NTN1: variants seen among roughly 807,000 people sequenced by gnomAD.
The protein encoded by NTN1 is netrin-1.
In NTN1, 11 loss-of-function variants were observed where a neutral mutation model predicts 54.2. The ratio of observed to expected loss-of-function variants is 0.20; its 90% CI spans 0.13 to 0.34. The LOEUF is 0.34. Ranked by LOEUF, NTN1 falls within the 10% of genes least tolerant of loss-of-function variation. The pLI, the probability that NTN1 is intolerant of heterozygous loss-of-function variation, is 1.00. For missense variants in NTN1, 740 were observed against 893.1 expected (o/e 0.83, Z 2.18); for synonymous variants, 371 against 382.0 (o/e 0.97, Z 0.33).
intron 5 of NTN1, among the ~76,000 whole-genome samples, chr17:9,187,448 C>T (rs1263361566): frequency 6.6e-6 from 1 of 152,118 alleles, no homozygotes; most frequent in African/African-American, 2.4e-5. Flanking sequence ...AACAGCTCAC[C>T]TGTCTATCAT....
rs1906190485 is a variant in NTN1, at chr17:9,240,873, A to C, written c.*905A>C. ...GTTGGAGGAGGCATCGCAAACGCAAAACCTCCCAGAGAGTTTCCTTTTGGA... is the reference window on the plus strand; with the variant it reads ...GTTGGAGGAGGCATCGCAAACGCAACACCTCCCAGAGAGTTTCCTTTTGGA... On this transcript the variant is annotated 3_prime_UTR_variant, in exon 7 of 7. Coordinates refer to ENST00000173229, the MANE Select transcript of NTN1 (RefSeq NM_004822.3). 2 of 152,226 alleles carry C rather than the reference A, an allele frequency of 1.3e-5. No homozygotes were observed. The highest frequency in any genetic ancestry group is 4.8e-5 in the African/African-American group (2 of 41,428). The allele number at this position is 152,226 out of a possible 1,614,324, so 9.4% of individuals were successfully genotyped here.
intron 2 of NTN1, among the ~76,000 whole-genome samples, chr17:9,081,821 C>T (rs1280068856): frequency 6.6e-6 from 1 of 152,166 alleles, no homozygotes; most frequent in Non-Finnish European, 1.5e-5. Context: ...GTTGGCTGCA[C>T]ATTGAAGAAA....
rs1371817491 is a variant in NTN1 at position 9,243,993 on chromosome 17, G to A, written c.*4025G>A. ...TTCAGATATCATTAAATAAACTCTTGTACACTATGCCGTCTCGCAGTCTTG... is the reference window on the plus strand; with the variant it reads ...TTCAGATATCATTAAATAAACTCTTATACACTATGCCGTCTCGCAGTCTTG... On this transcript the variant is annotated 3_prime_UTR_variant, in exon 7 of 7. Coordinates refer to ENST00000173229, the MANE Select transcript of NTN1 (RefSeq NM_004822.3). The A allele has an allele frequency of 6.6e-6, 1 of 151,744 alleles. No individual in the cohort carries two copies. The highest frequency in any genetic ancestry group is 2.4e-5 in the African/African-American group (1 of 41,110). 9.4% of individuals were successfully genotyped at this position (151,744 alleles called of 1,614,324 possible).
chr17:9,032,177 G>A lies in NTN1; in HGVS notation c.1018+8786G>A, dbSNP rs2091890242. On this transcript the variant is annotated intron_variant, in intron 2 of 6. Transcript: ENST00000173229. ...GGGGCCGAGGGTCTTGAGAGGAAGA[G>A]CATTTTGGATTTGGCTCCTGTACCA... 2.0e-5 allele frequency among the ~76,000 whole-genome samples: 3 copies of A among 152,152 alleles called. No individual in the cohort carries two copies. In the South Asian group the frequency reaches 6.2e-4, roughly 32 times the overall value.
At position 9,025,640 on chromosome 17, in the gene NTN1, T is replaced by C. The variant is rs192889681; in HGVS notation, c.1018+2249T>C. On this transcript the variant is annotated intron_variant, in intron 2 of 6. Transcript: ENST00000173229. ...TTTGAATAGATGTTCTGATACCTTGTAGATATAGCTGGGAACATCAGATTG... is the reference window on the plus strand; with the variant it reads ...TTTGAATAGATGTTCTGATACCTTGCAGATATAGCTGGGAACATCAGATTG... Among the ~76,000 whole-genome samples, 364 of 152,344 alleles carry C rather than the reference T, an allele frequency of 2.4e-3. 3 individuals carry two copies. The highest frequency in any genetic ancestry group is 1.9e-3 in the Non-Finnish European group (132 of 68,034).
intron 2 of NTN1, among the ~76,000 whole-genome samples, chr17:9,045,811 T>C (rs2091939811): frequency 6.6e-6 from 1 of 152,118 alleles, no homozygotes; most frequent in South Asian, 2.1e-4. Context: ...CTGGAAAGAT[T>C]GGTCAAGAAA....
upstream of NTN1, among the ~76,000 whole-genome samples, chr17:9,018,090 G>A (rs77043878): frequency 0.018 from 2,754 of 152,220 alleles, 30 homozygotes; most frequent in Non-Finnish European, 0.026. Flanking sequence ...TGGAATGGAC[G>A]TAGAGGAGTT....
intron 6 of NTN1, among the ~76,000 whole-genome samples, chr17:9,226,913 G>A (rs372221994): frequency 1.1e-4 from 17 of 151,952 alleles, no homozygotes; most frequent in Non-Finnish European, 1.5e-4. Context: ...CCACAGCCCC[G>A]GAAACCACCG....
chr17:9,075,560 A>T (rs2092046656), intron 2 of NTN1, among the ~76,000 whole-genome samples: 1 of 152,226 alleles, frequency 6.6e-6, no homozygotes, highest in Non-Finnish European at 1.5e-5. Flanking sequence ...TGAGAGTCCC[A>T]TCTGGTTGGT....
At chr17:9,147,651 C>T (rs1055199598) in intron 2 of NTN1, among the ~76,000 whole-genome samples, 4 of 152,224 alleles carry the variant, frequency 2.6e-5, no homozygotes, top group South Asian at 4.1e-4. Flanking sequence ...TCCCCAGAGC[C>T]GGAGTCTCCT....
rs548094638 is a variant in NTN1, at chr17:9,211,799, A to C, written c.1412-9369A>C. Among the ~76,000 whole-genome samples, 1 of 152,192 alleles carries C rather than the reference A, an allele frequency of 6.6e-6. No individual in the cohort carries two copies. The highest frequency in any genetic ancestry group is 1.9e-4 in the East Asian group (1 of 5,196). On this transcript the variant is annotated intron_variant, in intron 5 of 6. Transcript: ENST00000173229. The surrounding 1 kb of genome is among the most constrained non-coding windows in gnomAD (Gnocchi z 4.4). ...ATAATTTGAGATTGAACATGGGTGC[A>C]TCTCTTTGTTCCCTTTTTATTTCCT...
chr17:9,103,026 G>C (rs575560621), intron 2 of NTN1, among the ~76,000 whole-genome samples: 1 of 152,288 alleles, frequency 6.6e-6, no homozygotes, highest in East Asian at 1.9e-4. Flanking sequence ...TGGGGGGATA[G>C]TGTTCTGGTT....
At chr17:9,054,136 A>C (rs943561739) in intron 2 of NTN1, among the ~76,000 whole-genome samples, 1 of 152,252 alleles carries the variant, frequency 6.6e-6, no homozygotes, top group African/African-American at 2.4e-5. Context: ...AAGGGCGGAC[A>C]GTGAACACGA....
chr17:9,028,243 G>A (rs985222149), intron 2 of NTN1, among the ~76,000 whole-genome samples: 3 of 152,218 alleles, frequency 2.0e-5, no homozygotes, highest in Admixed American at 6.5e-5. Context: ...AGAGGAGGTG[G>A]ATGGGGGATG....
chr17:9,129,674 T>C (rs965257940), intron 2 of NTN1, among the ~76,000 whole-genome samples: 1 of 152,210 alleles, frequency 6.6e-6, no homozygotes, highest in African/African-American at 2.4e-5. Flanking sequence ...GTGTTTTCCA[T>C]ACTGTCACCT....
intron 2 of NTN1, among the ~76,000 whole-genome samples, chr17:9,151,876 G>A (rs1463912005): frequency 2.6e-5 from 4 of 152,102 alleles, no homozygotes; most frequent in Admixed American, 6.5e-5. Flanking sequence ...ACCAATCAGC[G>A]CTCTGTAAAA....
chr17:9,071,265 G>C (rs2092031103), intron 2 of NTN1, among the ~76,000 whole-genome samples: 1 of 119,526 alleles, frequency 8.4e-6, no homozygotes, highest in African/African-American at 2.7e-5. Flanking sequence ...ACCTCAGACA[G>C]AGTGATTTTC....
At position 9,096,366 on chromosome 17, in the gene NTN1, C is replaced by CCTTTTTTTTTTTTT. The variant is rs55880198; in HGVS notation, c.1019-66447_1019-66446insCTTTTTTTTTTTTT. 3.5e-4 allele frequency among the ~76,000 whole-genome samples: 32 copies of CCTTTTTTTTTTTTT among 91,552 alleles called. 10 individuals carry two copies. Among genetic ancestry groups the CCTTTTTTTTTTTTT allele is most frequent in the Non-Finnish European group, 3.3e-4 (16 of 49,116 alleles). The allele number at this position is 91,552 out of a possible 152,430, so 60.1% of individuals were successfully genotyped here. ...TGTCTTCCTGGGTTTTATGGGTAGA[C>CCTTTTTTTTTTTTT]TTTTTTTTTTTTTTTTTTTTTTGAG... On this transcript the variant is annotated intron_variant, in intron 2 of 6. Coordinates refer to ENST00000173229, the MANE Select transcript of NTN1 (RefSeq NM_004822.3).
In NTN1 at chr17:9,135,439, T is replaced by G. The variant is rs1046491756; in HGVS notation, c.1019-27374T>G. 6.6e-6 allele frequency among the ~76,000 whole-genome samples: 1 copy of G among 152,204 alleles called. No homozygotes were observed. The highest frequency in any genetic ancestry group is 1.5e-5 in the Non-Finnish European group (1 of 68,028). On this transcript the variant is annotated intron_variant, in intron 2 of 6. Coordinates refer to ENST00000173229, the MANE Select transcript of NTN1 (RefSeq NM_004822.3). This position sits in a 1 kb window ranked among gnomAD's most constrained non-coding sequence, Gnocchi z 4.4. ...CTGAGCCTTTGGACGTCCTTCCCCC[T>G]ATTCTCGGGTTGTCTCCTGTTCCCA...
Sources: gnomAD v4.1 joint callset for allele counts (sites outside exome capture counted in the v4.1 genomes callset) on GRCh38, gnomAD v4.1.1 for gene constraint, Gnocchi (gnomAD v3.1) non-coding constraint, MANE v1.5 for transcripts, NCBI Gene and HGNC (gene_info 2026-07-23, HGNC 2026-07-21) for gene names.